Variants in GNB1 observed in about 807,000 individuals in gnomAD.
The protein encoded by GNB1 is G protein subunit beta 1.
GNB1 carries 2 observed loss-of-function variants against 42.9 expected under a neutral mutation model. That is an observed-to-expected ratio of 0.05 (90% CI 0.02 to 0.15). The LOEUF is 0.15. Among genes scored for constraint, GNB1 ranks in the 10% least tolerant of loss-of-function variants. The pLI is 1.00. For missense variants in GNB1, 193 were observed against 462.2 expected (o/e 0.42, Z 5.34); for synonymous variants, 183 against 174.7 (o/e 1.05, Z -0.38).
chr1:1,819,837 C>T (rs1646907876), intron 3 of GNB1, among the ~76,000 whole-genome samples: 1 of 152,056 alleles, frequency 6.6e-6, no homozygotes, highest in South Asian at 2.1e-4. Context: ...GTTACCATGC[C>T]CAGCTGACAC....
chr1:1,831,524 C>G (rs1647075527), intron 2 of GNB1, among the ~76,000 whole-genome samples: 1 of 152,064 alleles, frequency 6.6e-6, no homozygotes, highest in Non-Finnish European at 1.5e-5. Flanking sequence ...TCTCGGCTCA[C>G]TGCAACCTCC....
At chr1:1,854,453 TAAA>T (rs1648155683) in intron 1 of GNB1, among the ~76,000 whole-genome samples, 1 of 152,180 alleles carries the variant, frequency 6.6e-6, no homozygotes, top group Non-Finnish European at 1.5e-5. Context: ...ATCCTTCTCT[TAAA>T]TTAAACTCTG....
chr1:1,885,794 G>A (rs1401058352), intron 1 of GNB1, among the ~76,000 whole-genome samples: 3 of 149,774 alleles, frequency 2.0e-5, no homozygotes, highest in Non-Finnish European at 3.0e-5. Flanking sequence ...TCCTGACCTC[G>A]TGATCCGCCC....
intron 4 of GNB1, among the ~76,000 whole-genome samples, chr1:1,816,401 G>A (rs530662380): frequency 1.3e-5 from 2 of 152,138 alleles, no homozygotes; most frequent in Non-Finnish European, 2.9e-5. Flanking sequence ...GTTGGCAAAC[G>A]GAGTAAGTGG....
chr1:1,811,718 A>G (rs957900361), intron 5 of GNB1, among the ~76,000 whole-genome samples: 1 of 151,462 alleles, frequency 6.6e-6, no homozygotes, highest in African/African-American at 2.4e-5. Flanking sequence ...ACAAATTAGT[A>G]GTCATTTCTA....
At chr1:1,789,726 GGGA>G (rs1646457688) in intron 9 of GNB1, among the ~76,000 whole-genome samples, 1 of 151,614 alleles carries the variant, frequency 6.6e-6, no homozygotes, top group Non-Finnish European at 1.5e-5. Context: ...GGGGGGATGG[GGGA>G]GGAACTACAG....
chr1:1,837,544 A>G (rs1165791630), intron 2 of GNB1, among the ~76,000 whole-genome samples: 1 of 146,382 alleles, frequency 6.8e-6, no homozygotes, highest in African/African-American at 2.5e-5. Flanking sequence ...GTGAGCCACC[A>G]TGCCTGGCCT....
At chr1:1,866,383 T>G (rs1191261027) in intron 1 of GNB1, among the ~76,000 whole-genome samples, 1 of 152,230 alleles carries the variant, frequency 6.6e-6, no homozygotes, top group South Asian at 2.1e-4. Context: ...TTCCCCAAAC[T>G]ATACATATTC....
At chr1:1,820,042 G>C (rs184852810) in intron 3 of GNB1, among the ~76,000 whole-genome samples, 2 of 152,232 alleles carry the variant, frequency 1.3e-5, no homozygotes, top group Non-Finnish European at 2.9e-5. Context: ...AAGCTTGTGG[G>C]AATATTATAA....
chr1:1,842,300 G>C (rs1213610932), intron 1 of GNB1, among the ~76,000 whole-genome samples: 3 of 152,072 alleles, frequency 2.0e-5, no homozygotes, highest in African/African-American at 7.2e-5. Context: ...CATGGTGGCG[G>C]GCGTCTGTAG....
intron 2 of GNB1, among the ~76,000 whole-genome samples, chr1:1,836,905 C>T (rs1570692179): frequency 6.8e-6 from 1 of 148,074 alleles, no homozygotes; most frequent in Admixed American, 6.8e-5. Flanking sequence ...CTTTATTGCC[C>T]AGGATGGTAT....
chr1:1,792,253 T>C (rs1646490233), intron 8 of GNB1, among the ~76,000 whole-genome samples: 1 of 152,182 alleles, frequency 6.6e-6, no homozygotes, highest in African/African-American at 2.4e-5. Context: ...CTGTTATTTT[T>C]AGTCTGTGCT....
At chr1:1,841,947 TACCC>T (rs897257321) in intron 1 of GNB1, among the ~76,000 whole-genome samples, 3 of 152,194 alleles carry the variant, frequency 2.0e-5, no homozygotes, top group African/African-American at 7.2e-5. Flanking sequence ...ACAGCCCAAA[TACCC>T]ACTGAGCATG....
intron 3 of GNB1, among the ~76,000 whole-genome samples, chr1:1,823,513 CTAAA>C (rs1325390600): frequency 2.6e-5 from 4 of 152,016 alleles, no homozygotes; most frequent in African/African-American, 9.7e-5. Flanking sequence ...TTATATCAAA[CTAAA>C]TATTTCAGAA....
chr1:1,890,191 A>G (rs1477873971), intron 1 of GNB1, among the ~76,000 whole-genome samples: 1 of 152,118 alleles, frequency 6.6e-6, no homozygotes, highest in Non-Finnish European at 1.5e-5. Flanking sequence ...CGACTGCCTC[A>G]GCGGCTCGAC....
intron 3 of GNB1, among the ~76,000 whole-genome samples, chr1:1,822,731 AG>A (rs1210553698): frequency 6.6e-6 from 1 of 152,204 alleles, no homozygotes; most frequent in African/African-American, 2.4e-5. Context: ...ACAACGTGAC[AG>A]GGTCCAAACC....
chr1:1,888,683 C>CA lies in GNB1; in HGVS notation c.-96+2136dup, dbSNP rs553486381. ...TGAAACCCTATCTCTACTAAAAATA[C>CA]AAAAAATTAGCCGGGTGTGGTGGTG... On this transcript the variant is annotated intron_variant, in intron 1 of 11. Transcript: ENST00000378609. 1.6e-3 allele frequency among the ~76,000 whole-genome samples: 242 copies of CA among 152,134 alleles called. 1 individual carries two copies. Among genetic ancestry groups the CA allele is most frequent in the Non-Finnish European group, 2.9e-3 (198 of 67,986 alleles).
intron 2 of GNB1, among the ~76,000 whole-genome samples, chr1:1,838,291 CAA>C (rs1303895164): frequency 6.6e-6 from 1 of 152,144 alleles, no homozygotes; most frequent in East Asian, 1.9e-4. Context: ...TTTCAAACTT[CAA>C]AGAGTTGCAA....
intron 5 of GNB1, among the ~76,000 whole-genome samples, chr1:1,808,378 C>T (rs1338243654): frequency 6.6e-6 from 1 of 151,196 alleles, no homozygotes; most frequent in East Asian, 1.9e-4. Flanking sequence ...TGAAAAGGAG[C>T]TCCATACTAC....
Sources: allele counts gnomAD v4.1 joint callset (sites outside exome capture counted in the v4.1 genomes callset), GRCh38; gene constraint gnomAD v4.1.1; transcripts MANE v1.5; gene names NCBI Gene and HGNC (gene_info 2026-07-23, HGNC 2026-07-21).